The following RANBP17 variants were observed in gnomAD, a reference collection of about 807,000 sequenced individuals.
RANBP17 encodes RAN binding protein 17, also known as ran-binding protein 17.
In RANBP17, 158 loss-of-function variants were observed where a neutral mutation model predicts 141.2. The ratio of observed to expected loss-of-function variants is 1.12; its 90% CI spans 0.98 to 1.28. The LOEUF is 1.28. Ranked by LOEUF, RANBP17 falls within the 50% of genes most tolerant of loss-of-function variation. The probability of loss-of-function intolerance (pLI) is 0.00; values close to 1 mark genes in which losing one functional copy is unlikely to be tolerated. For synonymous variants in RANBP17, 430 were observed against 450.0 expected (o/e 0.96, Z 0.56); for missense variants, 1,438 against 1,290.7 (o/e 1.11, Z -1.75).
intron 1 of RANBP17, among the ~76,000 whole-genome samples, chr5:170,869,902 G>A (rs1281427198): frequency 6.6e-6 from 1 of 152,176 alleles, no homozygotes; most frequent in Non-Finnish European, 1.5e-5. Flanking sequence ...TGTACCAGAA[G>A]TTACATGACA....
chr5:171,295,576 AGAGAT>A (rs1326592496), intron 26 of RANBP17, among the ~76,000 whole-genome samples: 2 of 152,180 alleles, frequency 1.3e-5, no homozygotes, highest in African/African-American at 4.8e-5. Context: ...TGTGGTTAGT[AGAGAT>A]GAGAGTCAGG....
chr5:170,933,779 C>T (rs1041166501), intron 12 of RANBP17, among the ~76,000 whole-genome samples: 3 of 151,870 alleles, frequency 2.0e-5, no homozygotes, highest in African/African-American at 4.8e-5. Flanking sequence ...GTCTGAGAGA[C>T]AGTTTGTTAT....
Position 171,061,370 on chromosome 5 carries a change from C to A in RANBP17, c.1710+92993C>A, listed in dbSNP as rs567147488. Among the ~76,000 whole-genome samples the A allele has an allele frequency of 2.0e-5, 3 of 152,116 alleles. No homozygotes were observed. In the East Asian group the frequency reaches 5.8e-4, roughly 29 times the overall value. ...GATTCTGGTATGTTGTGTCTTTGTT[C>A]TCATTGGTTTCAAAGAACATCTTTA... On this transcript the variant is annotated intron_variant, in intron 14 of 27. Coordinates refer to ENST00000523189, the MANE Select transcript of RANBP17 (RefSeq NM_022897.5).
At chr5:171,026,384 T>A (rs1354215331) in intron 14 of RANBP17, among the ~76,000 whole-genome samples, 1 of 152,188 alleles carries the variant, frequency 6.6e-6, no homozygotes, top group Non-Finnish European at 1.5e-5. Context: ...TAATTGATCT[T>A]TCTCTATATG....
intron 14 of RANBP17, among the ~76,000 whole-genome samples, chr5:171,047,604 T>A (rs140907434): frequency 0.011 from 1,681 of 151,756 alleles, 29 homozygotes; most frequent in African/African-American, 0.038. Context: ...CCACATCAGC[T>A]AATTTTTGTA....
At chr5:170,893,836 A>G (rs1769869336) in intron 4 of RANBP17, among the ~76,000 whole-genome samples, 1 of 151,530 alleles carries the variant, frequency 6.6e-6, no homozygotes, top group Non-Finnish European at 1.5e-5. Context: ...AGTATTCTTG[A>G]GGAAAAATTG....
intron 24 of RANBP17, among the ~76,000 whole-genome samples, chr5:171,262,911 T>C (rs1359444227): frequency 6.6e-6 from 1 of 152,220 alleles, no homozygotes; most frequent in Admixed American, 6.5e-5. Flanking sequence ...TTTTCCTCTG[T>C]GTTAAATGCA....
intron 24 of RANBP17, among the ~76,000 whole-genome samples, chr5:171,248,975 C>T (rs191577059): frequency 1.3e-3 from 196 of 152,288 alleles, no homozygotes; most frequent in African/African-American, 4.6e-3. Context: ...ATCAGCTTGC[C>T]CATAACTGCC....
intron 14 of RANBP17, among the ~76,000 whole-genome samples, chr5:171,041,516 T>G (rs1314539010): frequency 2.0e-5 from 3 of 152,144 alleles, no homozygotes; most frequent in Non-Finnish European, 4.4e-5. Context: ...AATGTCCTTT[T>G]AGGCAATTTT....
At chr5:171,105,381 CA>C (rs1167025699) in intron 14 of RANBP17, among the ~76,000 whole-genome samples, 4,526 of 54,082 alleles carry the variant, frequency 0.084, 35 homozygotes, top group East Asian at 0.14. Context: ...GACTCCGTCT[CA>C]AAAAAAAAAA....
intron 6 of RANBP17, 105 bp downstream of exon 6, chr5:170,909,870 A>C (rs1377898239): frequency 1.5e-6 from 1 of 680,878 alleles, no homozygotes; most frequent in Non-Finnish European, 2.6e-6. Context: ...CCTTTTAAAG[A>C]ATTATTGTGG....
intron 25 of RANBP17, among the ~76,000 whole-genome samples, chr5:171,281,905 C>T (rs1767885867): frequency 6.6e-6 from 1 of 152,132 alleles, no homozygotes; most frequent in Non-Finnish European, 1.5e-5. Context: ...GTACACTTAC[C>T]CCTCAAGAGA....
At chr5:170,964,791 C>G (rs1177087860) in intron 13 of RANBP17, among the ~76,000 whole-genome samples, 2 of 152,314 alleles carry the variant, frequency 1.3e-5, no homozygotes, top group East Asian at 3.9e-4. Context: ...TTAATCCAGT[C>G]TATCATTGTT....
intron 25 of RANBP17, chr5:171,271,066 A>AT (rs1767071836): frequency 3.0e-5 from 1 of 32,806 alleles, no homozygotes; most frequent in African/African-American, 2.8e-4. Flanking sequence ...CCTCCTTTTT[A>AT]TGTTATTTCT....
intron 14 of RANBP17, among the ~76,000 whole-genome samples, chr5:170,984,687 A>G (rs554801307): frequency 5.5e-4 from 84 of 152,200 alleles, no homozygotes; most frequent in South Asian, 2.7e-3. Flanking sequence ...ATGATCACCT[A>G]TTTATTAGGG....
At chr5:170,895,132 C>A (rs1419332655) in intron 4 of RANBP17, among the ~76,000 whole-genome samples, 1 of 152,014 alleles carries the variant, frequency 6.6e-6, no homozygotes, top group Non-Finnish European at 1.5e-5. Context: ...TCTTGAAAGG[C>A]CATAAATAAT....
chr5:171,153,102 G>A (rs1024863048), intron 14 of RANBP17, among the ~76,000 whole-genome samples: 3 of 152,180 alleles, frequency 2.0e-5, no homozygotes, highest in Non-Finnish European at 4.4e-5. Context: ...ATACAACTAG[G>A]ACAGTGCTAG....
chr5:171,267,028 T>C (rs911845258), intron 25 of RANBP17, among the ~76,000 whole-genome samples: 4 of 103,356 alleles, frequency 3.9e-5, no homozygotes, highest in African/African-American at 1.3e-4. Flanking sequence ...TTTCTTTTCT[T>C]TTTTTTTTTT....
At chr5:171,221,954 G>GCACT (rs1459837043) in intron 22 of RANBP17, 114 bp downstream of exon 22, 5 of 711,224 alleles carry the variant, frequency 7.0e-6, no homozygotes, top group Non-Finnish European at 9.3e-6. Flanking sequence ...AATTTGTGAA[G>GCACT]TCGGTAATAC....
Sources: allele counts gnomAD v4.1 joint callset (sites outside exome capture counted in the v4.1 genomes callset), GRCh38; gene constraint gnomAD v4.1.1; transcripts MANE v1.5; gene names NCBI Gene and HGNC (gene_info 2026-07-23, HGNC 2026-07-21).